RAI1: variants seen among roughly 807,000 people sequenced by gnomAD.
RAI1 encodes retinoic acid-induced protein 1.
In RAI1, 9 loss-of-function variants were observed where a neutral mutation model predicts 123.8. The ratio of observed to expected loss-of-function variants is 0.07; its 90% CI spans 0.04 to 0.13. The LOEUF (loss-of-function observed/expected upper bound fraction) is 0.13. Ranked by LOEUF, RAI1 falls within the 10% of genes least tolerant of loss-of-function variation. The probability of loss-of-function intolerance (pLI) is 1.00; values close to 1 mark genes in which losing one functional copy is unlikely to be tolerated. For synonymous variants in RAI1, 1,231 were observed against 1,127.3 expected (o/e 1.09, Z -1.84); for missense variants, 2,256 against 2,545.8 (o/e 0.89, Z 2.45).
At chr17:17,686,936 A>G (rs77560886) in intron 1 of RAI1, among the ~76,000 whole-genome samples, 251 of 152,244 alleles carry the variant, frequency 1.6e-3, no homozygotes, top group Middle Eastern at 3.4e-3. Context: ...CCTGTGGTCC[A>G]GGCTTCGCAC....
At chr17:17,802,317 C>T in intron 3 of RAI1, 1 of 385,096 alleles carries the variant, frequency 2.6e-6, no homozygotes, top group Non-Finnish European at 5.3e-6. Context: ...CTGGAGGGTG[C>T]AGGTCTCATC....
chr17:17,733,239 T>C (rs1175425745), intron 2 of RAI1, among the ~76,000 whole-genome samples: 2 of 152,312 alleles, frequency 1.3e-5, no homozygotes, highest in African/African-American at 4.8e-5. Flanking sequence ...CTAGTAAATG[T>C]CAAAACTGAG....
intron 1 of RAI1, among the ~76,000 whole-genome samples, chr17:17,699,375 A>C (rs903191112): frequency 2.6e-5 from 4 of 152,222 alleles, no homozygotes; most frequent in Non-Finnish European, 5.9e-5. Context: ...TTTTGCTCTC[A>C]CAGAGCCACC....
chr17:17,701,959 G>A (rs976139084), intron 1 of RAI1, among the ~76,000 whole-genome samples: 7 of 152,226 alleles, frequency 4.6e-5, no homozygotes, highest in Non-Finnish European at 8.8e-5. Flanking sequence ...GGCAGCGCTC[G>A]AAAGGAATAC....
At chr17:17,682,323 G>A (rs1914455915) in intron 1 of RAI1, among the ~76,000 whole-genome samples, 1 of 151,248 alleles carries the variant, frequency 6.6e-6, no homozygotes, top group South Asian at 2.1e-4. Context: ...GGGTGCTCGG[G>A]CTCTCTGCGG....
rs777450192 is a variant in RAI1, at chr17:17,800,188, C to CTGTCTCTCTCTG, written c.5565+1676_5565+1677insGTCTCTCTCTGT. Among the ~76,000 whole-genome samples, 31 of 117,764 alleles carry CTGTCTCTCTCTG rather than the reference C, an allele frequency of 2.6e-4. No homozygotes were observed. Among genetic ancestry groups the CTGTCTCTCTCTG allele is most frequent in the Non-Finnish European group, 3.9e-4 (21 of 54,244 alleles). 77.3% of individuals were successfully genotyped at this position (117,764 alleles called of 152,430 possible). On this transcript the variant is annotated intron_variant, in intron 3 of 5. Transcript: ENST00000353383. This position sits in a 1 kb window ranked among gnomAD's most constrained non-coding sequence, Gnocchi z 4.7. ...GCTTTCTGTCTCTCTCTGTCTCTCT[C>CTGTCTCTCTCTG]TCTCTCTCTCTCTCTCTCTCTCTCT...
chr17:17,739,478 G>A (rs566916511), intron 2 of RAI1, among the ~76,000 whole-genome samples: 15 of 152,356 alleles, frequency 9.8e-5, no homozygotes, highest in African/African-American at 3.1e-4. Context: ...GGAGGGATAA[G>A]GATACAGAGA....
chr17:17,702,231 G>A (rs934667735), intron 1 of RAI1, among the ~76,000 whole-genome samples: 1 of 152,212 alleles, frequency 6.6e-6, no homozygotes, highest in African/African-American at 2.4e-5. Context: ...GAGGCATGAG[G>A]CTGGAGAGGT....
Position 17,793,920 on chromosome 17 carries a change from G to A in RAI1, c.972G>A (p.Pro324=), listed in dbSNP as rs138675466. 380 of 1,613,872 alleles carry A rather than the reference G, an allele frequency of 2.4e-4. 1 individual carries two copies. The African/African-American group carries it at 4.1e-3, about 17-fold the overall frequency. ...YGQQGQGYCQ[P]DAAVRTPEQY... is the part of the protein sequence containing the mutation. The stretch of plus-strand genomic sequence containing the variant: ...AGCAAGGCCAGGGCTACTGCCAGCC[G>A]GACGCAGCCGTCCGGACCCCAGAGC... Residue 324 remains proline, a synonymous_variant, in exon 3 of 6, where the codon CCG becomes CCA. Transcript: ENST00000353383.
Position 17,809,318 on chromosome 17 carries a change from G to C in RAI1, c.5660-72G>C. On this transcript the variant is annotated intron_variant, in intron 4 of 5. Transcript: ENST00000353383. The surrounding 1 kb of genome is among the most constrained non-coding windows in gnomAD (Gnocchi z 4.9). Reference sequence around the variant, plus strand: ...CGCGGGCAGTGCGGCTCCCCTCCTGGCTGCAGACAAAACCCCACAGCTGTG... The same window carrying C: ...CGCGGGCAGTGCGGCTCCCCTCCTGCCTGCAGACAAAACCCCACAGCTGTG... 1 of 1,370,218 alleles carries C rather than the reference G, an allele frequency of 7.3e-7. No homozygotes were observed. Among genetic ancestry groups the C allele is most frequent in the Non-Finnish European group, 1.0e-6 (1 of 958,466 alleles). The allele number at this position is 1,370,218 out of a possible 1,614,324, so 84.9% of individuals were successfully genotyped here. A position where few individuals can be genotyped will look rare whatever the true frequency, so the allele number is the denominator to read the frequency against.
chr17:17,797,145 A>G lies in RAI1; in HGVS notation c.4197A>G (p.Leu1399=). Residue 1399 remains leucine, a synonymous_variant, in exon 3 of 6, where the codon TTA becomes TTG. Transcript: ENST00000353383. ...QKLPTSGADP[L]CRNPTNRSLK... ...TCCCAACTTCTGGGGCTGATCCGTT[A>G]TGCAGAAATCCAACCAACAGATCCT... is the stretch of plus-strand genomic sequence containing the variant. The G allele has an allele frequency of 1.9e-6, 3 of 1,614,018 alleles. No individual in the cohort carries two copies. Among genetic ancestry groups the G allele is most frequent in the South Asian group, 2.2e-5 (2 of 91,092 alleles).
intron 1 of RAI1, among the ~76,000 whole-genome samples, chr17:17,707,941 T>A (rs957041538): frequency 6.6e-6 from 1 of 152,066 alleles, no homozygotes; most frequent in Non-Finnish European, 1.5e-5. Flanking sequence ...AGAGGCAGGC[T>A]CCAAGCTGAC....
intron 2 of RAI1, among the ~76,000 whole-genome samples, chr17:17,726,476 C>T (rs1916093495): frequency 6.6e-6 from 1 of 152,238 alleles, no homozygotes; most frequent in South Asian, 2.1e-4. Flanking sequence ...ATTTATGGGG[C>T]TGCCTTCCCT....
At chr17:17,790,395 T>G (rs2031969658) in intron 2 of RAI1, among the ~76,000 whole-genome samples, 1 of 152,206 alleles carries the variant, frequency 6.6e-6, no homozygotes, top group Non-Finnish European at 1.5e-5. Context: ...GAACTGTCTT[T>G]TCTTAGCAAT....
At chr17:17,687,937 C>T (rs539195034) in intron 1 of RAI1, among the ~76,000 whole-genome samples, 5 of 140,118 alleles carry the variant, frequency 3.6e-5, no homozygotes, top group South Asian at 4.4e-4. Flanking sequence ...GGCTGAGGCA[C>T]GAGAATCACT....
chr17:17,726,945 T>C (rs1916110118), intron 2 of RAI1, among the ~76,000 whole-genome samples: 1 of 152,196 alleles, frequency 6.6e-6, no homozygotes, highest in African/African-American at 2.4e-5. Flanking sequence ...ATAAACACCA[T>C]GGTTAATGTC....
Position 17,794,425 on chromosome 17 carries a change from G to T in RAI1, c.1477G>T (p.Ala493Ser), listed in dbSNP as rs771338032. The T allele has an allele frequency of 4.3e-6, 7 of 1,612,948 alleles. No homozygotes were observed. The East Asian group carries it at 1.3e-4, about 31-fold the overall frequency. The change falls in exon 3 of 6, where the codon GCA becomes TCA. Residue 493 changes from alanine to serine, a missense_variant. By Grantham distance (99) the Ala-to-Ser change is moderately conservative. Around this residue, in one of 7 missense-constraint regions of RAI1, gnomAD observed 357 missense variants for 480.2 expected, o/e 0.74. Coordinates refer to ENST00000353383, the MANE Select transcript of RAI1 (RefSeq NM_030665.4). ...PEGSGYSAEPAGTPLSEPPSS... is the reference protein window; with the variant it reads ...PEGSGYSAEPSGTPLSEPPSS... ...AGGGAGCGGCTACTCAGCCGAGCCCGCAGGCACACCGCTGTCAGAGCCGCC... is the reference window on the plus strand; with the variant it reads ...AGGGAGCGGCTACTCAGCCGAGCCCTCAGGCACACCGCTGTCAGAGCCGCC...
chr17:17,788,768 C>T (rs1207538687), intron 2 of RAI1, among the ~76,000 whole-genome samples: 1 of 152,146 alleles, frequency 6.6e-6, no homozygotes. Context: ...TCCCTCTCTC[C>T]CTTTCTCTTA....
At position 17,800,074 on chromosome 17, in the gene RAI1, G is replaced by C. The variant is rs2032400828; in HGVS notation, c.5565+1561G>C. ...CCCGACAGGACTCCTGCAGGTTCCT[G>C]GTGCCGCGGGCCTTGCTTACCCAGC... On this transcript the variant is annotated intron_variant, in intron 3 of 5. Coordinates refer to ENST00000353383, the MANE Select transcript of RAI1 (RefSeq NM_030665.4). The surrounding 1 kb of genome is among the most constrained non-coding windows in gnomAD (Gnocchi z 4.7). 1.3e-5 allele frequency among the ~76,000 whole-genome samples: 2 copies of C among 152,130 alleles called. No homozygotes were observed. Among genetic ancestry groups the C allele is most frequent in the African/African-American group, 4.8e-5 (2 of 41,420 alleles).
Sources: allele counts gnomAD v4.1 joint callset (sites outside exome capture counted in the v4.1 genomes callset), GRCh38; gene constraint gnomAD v4.1.1; regional missense constraint gnomAD v4.1.1; non-coding constraint Gnocchi (gnomAD v3.1); transcripts MANE v1.5; gene names NCBI Gene and HGNC (gene_info 2026-07-23, HGNC 2026-07-21).